The following CNTN4 variants were observed in gnomAD, a reference collection of about 807,000 sequenced individuals.
CNTN4 encodes the protein contactin-4.
Under a neutral mutation model 122.5 loss-of-function variants are expected in CNTN4, and 77 were observed. The ratio of observed to expected loss-of-function variants is 0.63; its 90% CI spans 0.52 to 0.76. The LOEUF (loss-of-function observed/expected upper bound fraction) is 0.76, where lower values mean the gene tolerates loss of function less well. CNTN4 is among the 30% of genes least tolerant of loss of function. The pLI is 0.00. For missense variants in CNTN4, 1,256 were observed against 1,259.1 expected (o/e 1.00, Z 0.04); for synonymous variants, 512 against 447.0 (o/e 1.15, Z -1.83).
intron 3 of CNTN4, among the ~76,000 whole-genome samples, chr3:2,392,370 C>G (rs1236199906): frequency 6.6e-6 from 1 of 152,190 alleles, no homozygotes; most frequent in Non-Finnish European, 1.5e-5. Flanking sequence ...TCTCCACCTT[C>G]ATATCCATCA....
intron 6 of CNTN4, among the ~76,000 whole-genome samples, chr3:2,801,684 C>A (rs1451417358): frequency 1.3e-5 from 2 of 149,806 alleles, no homozygotes; most frequent in African/African-American, 5.1e-5. Flanking sequence ...CATGGCATGT[C>A]TACTCTGTCA....
chr3:2,318,579 G>A (rs868136187), intron 2 of CNTN4, among the ~76,000 whole-genome samples: 45 of 152,210 alleles, frequency 3.0e-4, no homozygotes, highest in African/African-American at 1.1e-3. Context: ...TTCAGGATGT[G>A]TAGTACTGTC....
In CNTN4 at chr3:2,679,011, A is replaced by G. The variant is rs76849768; in HGVS notation, c.56-57204A>G. Among the ~76,000 whole-genome samples, 467 of 152,240 alleles carry G rather than the reference A, an allele frequency of 3.1e-3. 2 individuals carry two copies. Among genetic ancestry groups the G allele is most frequent in the African/African-American group, 0.01 (435 of 41,548 alleles). ...TGTTCTGTTGAAATGCCCCCTATAT[A>G]TCTGTTTTGAATTTCAGTTCACTGA... On this transcript the variant is annotated intron_variant, in intron 4 of 24. Coordinates refer to ENST00000418658, the MANE Select transcript of CNTN4 (RefSeq NM_175607.3).
chr3:2,892,516 G>A (rs905430603), intron 10 of CNTN4, among the ~76,000 whole-genome samples: 6 of 152,362 alleles, frequency 3.9e-5, no homozygotes, highest in Admixed American at 6.5e-5. Context: ...AATTATCTTT[G>A]AAGAAAGGAA....
In CNTN4 at chr3:2,745,961, AATAAAT is replaced by A. The variant is rs1576640109; in HGVS notation, c.358+265_358+270del. On this transcript the variant is annotated intron_variant, in intron 6 of 24. Coordinates refer to ENST00000418658, the MANE Select transcript of CNTN4 (RefSeq NM_175607.3). Reference sequence around the variant, plus strand: ...TTATATGATGCTTTCTTTATATACAAATAAATTCACACACTGAGATTGACACATGTA... The same window carrying A: ...TTATATGATGCTTTCTTTATATACAATCACACACTGAGATTGACACATGTA... 9.2e-5 allele frequency among the ~76,000 whole-genome samples: 14 copies of A among 152,226 alleles called. 1 individual carries two copies. In the East Asian group the frequency reaches 2.7e-3, roughly 29 times the overall value.
At chr3:2,930,231 T>C (rs918057592) in intron 13 of CNTN4, among the ~76,000 whole-genome samples, 1 of 152,226 alleles carries the variant, frequency 6.6e-6, no homozygotes, top group African/African-American at 2.4e-5. Flanking sequence ...CTCACTGTTT[T>C]GGTCATTTCC....
chr3:2,891,560 C>G (rs2094041031), intron 10 of CNTN4, among the ~76,000 whole-genome samples: 1 of 152,162 alleles, frequency 6.6e-6, no homozygotes, highest in African/African-American at 2.4e-5. Context: ...CCCTCTGACC[C>G]AAAACCTAAA....
At position 2,580,493 on chromosome 3, in the gene CNTN4, TTAC is replaced by T. The variant is rs540498766; in HGVS notation, c.55+8937_55+8939del. ...AAATAGCACGTAAAAGCCCTTAATG[TTAC>T]TGTACTGGAATATGCTGCAGCACAG... On this transcript the variant is annotated intron_variant, in intron 4 of 24. Coordinates refer to ENST00000418658, the MANE Select transcript of CNTN4 (RefSeq NM_175607.3). Among the ~76,000 whole-genome samples the T allele has an allele frequency of 7.7e-4, 117 of 152,258 alleles. 6 individuals are homozygous for T. The South Asian group carries it at 0.023, about 30-fold the overall frequency.
intron 14 of CNTN4, among the ~76,000 whole-genome samples, chr3:2,996,985 A>T (rs184604413): frequency 2.6e-5 from 4 of 152,356 alleles, no homozygotes; most frequent in Admixed American, 1.3e-4. Flanking sequence ...ATCTTTTTAA[A>T]GTACATCTGT....
chr3:3,000,212 AG>A (rs138997804), intron 14 of CNTN4, among the ~76,000 whole-genome samples: 5,237 of 152,212 alleles, frequency 0.034, 277 homozygotes, highest in African/African-American at 0.12. Context: ...AGAACATAAT[AG>A]TGTCCAAAAC....
At chr3:3,042,205 G>T in intron 20 of CNTN4, 105 bp from the exon 21 acceptor site, 1 of 862,266 alleles carries the variant, frequency 1.2e-6, no homozygotes, top group Non-Finnish European at 1.9e-6. Flanking sequence ...CAATCATTAA[G>T]GACGATTCTA....
intron 6 of CNTN4, among the ~76,000 whole-genome samples, chr3:2,771,636 T>A (rs1456860501): frequency 6.6e-6 from 1 of 151,938 alleles, no homozygotes; most frequent in Non-Finnish European, 1.5e-5. Flanking sequence ...TTATATAAAA[T>A]AAGGCATGCT....
chr3:2,491,422 G>A (rs1347549107), intron 3 of CNTN4, among the ~76,000 whole-genome samples: 1 of 152,176 alleles, frequency 6.6e-6, no homozygotes, highest in Admixed American at 6.5e-5. Flanking sequence ...AGATATATGT[G>A]TATGATAAAA....
intron 14 of CNTN4, among the ~76,000 whole-genome samples, chr3:3,002,213 TTGAA>T (rs1244864483): frequency 6.6e-6 from 1 of 152,158 alleles, no homozygotes; most frequent in African/African-American, 2.4e-5. Context: ...ACCAGTGTGT[TTGAA>T]TGACAAAATT....
chr3:2,766,619 A>C (rs1008375050), intron 6 of CNTN4, among the ~76,000 whole-genome samples: 1 of 152,180 alleles, frequency 6.6e-6, no homozygotes, highest in Non-Finnish European at 1.5e-5. Flanking sequence ...AGGATGAGGG[A>C]TAAAAGGCTA....
intron 4 of CNTN4, among the ~76,000 whole-genome samples, chr3:2,627,773 G>C (rs544661577): frequency 4.6e-5 from 7 of 152,118 alleles, no homozygotes; most frequent in Middle Eastern, 3.2e-3. Flanking sequence ...GATTACAGGC[G>C]TGAGCCACCG....
intron 2 of CNTN4, among the ~76,000 whole-genome samples, chr3:2,327,598 C>T (rs2150260618): frequency 6.6e-6 from 1 of 152,172 alleles, no homozygotes; most frequent in East Asian, 1.9e-4. Context: ...TATACTTAGT[C>T]CTTCCCTTTA....
chr3:2,627,560 C>T (rs771900570), intron 4 of CNTN4, among the ~76,000 whole-genome samples: 2 of 140,438 alleles, frequency 1.4e-5, no homozygotes, highest in Admixed American at 7.6e-5. Flanking sequence ...GTAGCGCAAT[C>T]TCGGCTCACT....
At chr3:2,550,358 A>G (rs962992596) in intron 3 of CNTN4, among the ~76,000 whole-genome samples, 1 of 152,186 alleles carries the variant, frequency 6.6e-6, no homozygotes. Flanking sequence ...AAATCTCATC[A>G]TCACTGGTCA....
Sources: allele counts gnomAD v4.1 joint callset (sites outside exome capture counted in the v4.1 genomes callset), GRCh38; gene constraint gnomAD v4.1.1; transcripts MANE v1.5; gene names NCBI Gene and HGNC (gene_info 2026-07-23, HGNC 2026-07-21).